The following ADAMTS13 variants were observed in gnomAD, a reference collection of about 807,000 sequenced individuals.
The protein encoded by ADAMTS13 is ADAM metallopeptidase with thrombospondin type 1 motif 13, also known as A disintegrin and metalloproteinase with thrombospondin motifs 13.
A neutral mutation model predicts 155.1 loss-of-function variants in ADAMTS13; 110 were observed. The observed-to-expected ratio is 0.71, with a 90% confidence interval of 0.61 to 0.83. The LOEUF is 0.83. Ranked by LOEUF, ADAMTS13 falls within the 40% of genes least tolerant of loss-of-function variation. The pLI, the probability that ADAMTS13 is intolerant of heterozygous loss-of-function variation, is 0.00. For missense variants in ADAMTS13, 1,707 were observed against 1,891.7 expected (o/e 0.90, Z 1.81); for synonymous variants, 758 against 756.4 (o/e 1.00, Z -0.03).
chr9:133,425,396 G>T lies in ADAMTS13; in HGVS notation c.331-133G>T, dbSNP rs587643631. 1.6e-4 allele frequency: 117 copies of T among 719,062 alleles called. No individual in the cohort carries two copies. In the African/African-American group the frequency reaches 1.9e-3, roughly 11 times the overall value. The allele number at this position is 719,062 out of a possible 1,614,324, so 44.5% of individuals were successfully genotyped here. A position where few individuals can be genotyped will look rare whatever the true frequency, so the allele number is the denominator to read the frequency against. Reference sequence around the variant, plus strand: ...GCACATTTTAGGAGCCCCCCGCCCCGCCCGGTTCCCACACATGCTGGTGGA... The same window carrying T: ...GCACATTTTAGGAGCCCCCCGCCCCTCCCGGTTCCCACACATGCTGGTGGA... On this transcript the variant is annotated intron_variant, in intron 3 of 28. Transcript: ENST00000355699. The surrounding 1 kb of genome is among the most constrained non-coding windows in gnomAD (Gnocchi z 4.6).
rs138699340 is a variant in ADAMTS13 at position 133,440,473 on chromosome 9, G to A, written c.1916G>A (p.Arg639His). The change falls in exon 16 of 29, where the codon CGC becomes CAC. Residue 639 changes from arginine to histidine, a missense_variant. Arg to His is a conservative substitution (Grantham distance 29, BLOSUM62 0). Transcript: ENST00000355699. This position sits in a 1 kb window ranked among gnomAD's most constrained non-coding sequence, Gnocchi z 4.3. The part of the protein sequence containing the change: ...RVALTEDRLP[R>H]LEEIRIWGPL... ...GCCCTCACCGAGGACCGGCTGCCCC[G>A]CCTGGAGGAGATCCGCATCTGGGGA... 19 of 1,613,080 alleles carry A rather than the reference G, an allele frequency of 1.2e-5. No homozygotes were observed. In the East Asian group the frequency reaches 2.7e-4, roughly 23 times the overall value.
At position 133,456,856 on chromosome 9, in the gene ADAMTS13, T is replaced by C. The variant is rs1264359563; in HGVS notation, c.3724+137T>C. On this transcript the variant is annotated intron_variant, in intron 27 of 28. Transcript: ENST00000355699. This position sits in a 1 kb window ranked among gnomAD's most constrained non-coding sequence, Gnocchi z 4.4. ...GGGAACTGACTGAGATGGAAGGAAC[T>C]GGGGTTGGCCAGTGTCAGTCTGCAC... The C allele has an allele frequency of 5.9e-6, 7 of 1,187,462 alleles. No homozygotes were observed. The highest frequency in any genetic ancestry group is 8.5e-6 in the Non-Finnish European group (7 of 828,180). The allele number at this position is 1,187,462 out of a possible 1,614,324, so 73.6% of individuals were successfully genotyped here.
chr9:133,419,789 AGTGCAGTGGC>A (rs1554782619), upstream of ADAMTS13, among the ~76,000 whole-genome samples: 3 of 151,978 alleles, frequency 2.0e-5, no homozygotes, highest in East Asian at 5.8e-4. Context: ...CCCAGGCTGG[AGTGCAGTGGC>A]GTGATATCGG....
chr9:133,451,894 C>CAAAAAAAAAAAAAAAAAAAA (rs34716768), intron 23 of ADAMTS13, among the ~76,000 whole-genome samples: 1 of 79,522 alleles, frequency 1.3e-5, no homozygotes, highest in Non-Finnish European at 2.2e-5. Flanking sequence ...GACCCTGTCT[C>CAAAAAAAAAAAAAAAAAAAA]AAAAAAAAAA....
upstream of ADAMTS13, among the ~76,000 whole-genome samples, chr9:133,420,061 C>T (rs71503193): frequency 0.055 from 8,352 of 152,288 alleles, 325 homozygotes; most frequent in Non-Finnish European, 0.087. Context: ...TGTGCCACCA[C>T]GCCCGGCTAA....
chr9:133,455,041 TGGAG>T (rs1489916723), intron 24 of ADAMTS13, among the ~76,000 whole-genome samples: 3 of 152,130 alleles, frequency 2.0e-5, no homozygotes, highest in African/African-American at 4.8e-5. Context: ...CTCTAAGGCT[TGGAG>T]GGACAGAGAG....
chr9:133,443,675 C>G lies in ADAMTS13; in HGVS notation c.2420+114C>G, dbSNP rs28446901. On this transcript the variant is annotated intron_variant, in intron 19 of 28. Transcript: ENST00000355699. ...CCTCCTGAGGCCTCCGGCGGGGCCT[C>G]ACCATCCAGGGTGATGGGCAGTGTC... 205,279 of 1,239,948 alleles carry G rather than the reference C, an allele frequency of 0.17. 18,778 individuals carry two copies. The highest frequency in any genetic ancestry group is 0.22 in the Middle Eastern group (769 of 3,524). The allele number at this position is 1,239,948 out of a possible 1,614,324, so 76.8% of individuals were successfully genotyped here. A position where few individuals can be genotyped will look rare whatever the true frequency, so the allele number is the denominator to read the frequency against.
In ADAMTS13 at chr9:133,459,116, C is replaced by T. The variant is rs1842937792; in HGVS notation, c.4052C>T (p.Thr1351Ile). Residue 1351 changes from threonine (T) to isoleucine (I), a missense_variant, in exon 29 of 29, where the codon ACC becomes ATC. Thr to Ile is a moderately conservative substitution (Grantham distance 89). Transcript: ENST00000355699. ...AQASLRGQYWTLQSWVPEMQD... is the reference protein window; with the variant it reads ...AQASLRGQYWILQSWVPEMQD... Reference sequence around the variant, plus strand: ...GCCAGCCTGCGGGGCCAGTACTGGACCCTCCAATCATGGGTACCGGAGATG... The same window carrying T: ...GCCAGCCTGCGGGGCCAGTACTGGATCCTCCAATCATGGGTACCGGAGATG... 1.2e-6 allele frequency: 2 copies of T among 1,612,784 alleles called. No homozygotes were observed. Among genetic ancestry groups the T allele is most frequent in the African/African-American group, 1.3e-5 (1 of 74,890 alleles).
intron 8 of ADAMTS13, 72 bp from the exon 9 acceptor site, chr9:133,432,516 G>A: frequency 7.5e-7 from 1 of 1,331,910 alleles, no homozygotes; most frequent in Non-Finnish European, 1.0e-6. Flanking sequence ...GGGAGGGACA[G>A]TTAAGGTTGG....
chr9:133,424,638 G>A lies in ADAMTS13; in HGVS notation c.330+160G>A, dbSNP rs782446543. 6.6e-6 allele frequency among the ~76,000 whole-genome samples: 1 copy of A among 152,026 alleles called. No individual in the cohort carries two copies. Among genetic ancestry groups the A allele is most frequent in the African/African-American group, 2.4e-5 (1 of 41,342 alleles). On this transcript the variant is annotated intron_variant, in intron 3 of 28. Coordinates refer to ENST00000355699, the MANE Select transcript of ADAMTS13 (RefSeq NM_139027.6). This position sits in a 1 kb window ranked among gnomAD's most constrained non-coding sequence, Gnocchi z 4.3. ...CCCTCCCTCCCCTGGGTGGAGGTGG[G>A]TGAGGTCCCACACCCTCTCTAGGCT...
At chr9:133,421,808 C>A (rs867878488), upstream of ADAMTS13, among the ~76,000 whole-genome samples, 1 of 152,082 alleles carries the variant, frequency 6.6e-6, no homozygotes, top group East Asian at 1.9e-4. Context: ...AGGTGAATCC[C>A]CCTGCTGGTC....
chr9:133,445,629 A>G lies in ADAMTS13; in HGVS notation c.2611-70A>G. The G allele has an allele frequency of 6.8e-6, 11 of 1,610,396 alleles. No individual in the cohort carries two copies. Among genetic ancestry groups the G allele is most frequent in the Non-Finnish European group, 8.5e-6 (10 of 1,179,150 alleles). On this transcript the variant is annotated intron_variant, in intron 20 of 28. Transcript: ENST00000355699. This position sits in a 1 kb window ranked among gnomAD's most constrained non-coding sequence, Gnocchi z 5.0. ...CTGGTCTCTCTGCTGCTGCCTGAGA[A>G]GATCGAGACGGGGATCGCTGGGTCC... is the stretch of plus-strand genomic sequence containing the variant.
At chr9:133,420,272 C>T (rs142821743), upstream of ADAMTS13, among the ~76,000 whole-genome samples, 434 of 152,242 alleles carry the variant, frequency 2.9e-3, 3 homozygotes, top group African/African-American at 9.5e-3. Context: ...AACTCCTGAC[C>T]TCATGATCCG....
At chr9:133,422,945 T>TC (rs1197371573) in intron 1 of ADAMTS13, among the ~76,000 whole-genome samples, 156 bp from the exon 2 acceptor site, 1 of 147,652 alleles carries the variant, frequency 6.8e-6, no homozygotes, top group African/African-American at 2.5e-5. Context: ...TTTTTTTTTT[T>TC]TTTTTTTTTT....
At chr9:133,444,455 C>T (rs1228450628) in intron 19 of ADAMTS13, among the ~76,000 whole-genome samples, 1 of 152,066 alleles carries the variant, frequency 6.6e-6, no homozygotes. Context: ...AGCAAGTGTG[C>T]GCCACCAAGC....
chr9:133,458,187 TA>T, intron 28 of ADAMTS13, 93 bp downstream of exon 28: 2 of 1,418,154 alleles, frequency 1.4e-6, no homozygotes, highest in East Asian at 2.5e-5. Flanking sequence ...TATTTCAGAC[TA>T]AAACCCTCAA....
intron 22 of ADAMTS13, among the ~76,000 whole-genome samples, chr9:133,449,245 A>ATG (rs1173087052): frequency 6.6e-6 from 1 of 152,086 alleles, no homozygotes; most frequent in Non-Finnish European, 1.5e-5. Flanking sequence ...CCTGCTCTTT[A>ATG]TGGAGCACCT....
At chr9:133,430,818 G>T (rs746035059) in intron 8 of ADAMTS13, among the ~76,000 whole-genome samples, 1 of 150,658 alleles carries the variant, frequency 6.6e-6, no homozygotes, top group Non-Finnish European at 1.5e-5. Context: ...CCGCCACCAC[G>T]CCTGGCTAAT....
Position 133,426,277 on chromosome 9 carries a change from G to T in ADAMTS13, c.618G>T (p.Trp206Cys), listed in dbSNP as rs782804156. 1 of 1,611,090 alleles carries T rather than the reference G, an allele frequency of 6.2e-7. No homozygotes were observed. Residue 206 changes from tryptophan (W) to cysteine (C), a missense_variant, in exon 6 of 29, where the codon TGG becomes TGT. This residue lies in a region of ADAMTS13 where 733 missense variants were observed against 749.6 expected (regional missense o/e 0.98). Coordinates refer to ENST00000355699, the MANE Select transcript of ADAMTS13 (RefSeq NM_139027.6). ...TQLGGACSPT[W>C]SCLITEDTGF... ...TGGGCGGTGCCTGCTCCCCAACCTG[G>T]AGCTGCCTCATTACCGAGGACACTG...
Sources: gnomAD v4.1 joint callset for allele counts (sites outside exome capture counted in the v4.1 genomes callset) on GRCh38, gnomAD v4.1.1 for gene constraint, gnomAD v4.1.1 regional missense constraint, Gnocchi (gnomAD v3.1) non-coding constraint, MANE v1.5 for transcripts, NCBI Gene and HGNC (gene_info 2026-07-23, HGNC 2026-07-21) for gene names.